CFAP251: variants seen among roughly 807,000 people sequenced by gnomAD.
CFAP251 encodes the protein cilia and flagella associated protein 251, also known as cilia- and flagella-associated protein 251.
A neutral mutation model predicts 126.7 loss-of-function variants in CFAP251; 93 were observed. That is an observed-to-expected ratio of 0.73 (90% CI 0.62 to 0.87). The LOEUF is 0.87. Ranked by LOEUF, CFAP251 falls within the 40% of genes least tolerant of loss-of-function variation. The pLI is 0.00. For missense variants in CFAP251, 1,287 were observed against 1,389.2 expected, an observed-to-expected ratio of 0.93 and a Z score of 1.17; for synonymous variants, 503 against 506.9, an observed-to-expected ratio of 0.99 and a Z score of 0.10.
Position 121,975,268 on chromosome 12 carries a change from T to C in CFAP251, c.2796T>C (p.Leu932=), listed in dbSNP as rs544108383. 31 of 1,614,062 alleles carry C rather than the reference T, an allele frequency of 1.9e-5. No homozygotes were observed. In the South Asian group the frequency reaches 3.1e-4, roughly 16 times the overall value. The change falls in exon 18 of 22, where the codon CTT becomes CTC. Residue 932 remains leucine (L), a synonymous_variant. Transcript: ENST00000288912. ...TLSVLEAAVS[L]GGEDLTPFYG... is the part of the protein sequence containing the mutation. ...GTGTCCTGGAGGCAGCGGTTTCTCTTGGGGGTGAAGACTTGACCCCATTCT... is the reference window on the plus strand; with the variant it reads ...GTGTCCTGGAGGCAGCGGTTTCTCTCGGGGGTGAAGACTTGACCCCATTCT...
intron 19 of CFAP251, among the ~76,000 whole-genome samples, chr12:121,980,898 C>A (rs534606402): frequency 2.6e-5 from 4 of 152,190 alleles, no homozygotes; most frequent in Admixed American, 2.0e-4. Flanking sequence ...GCCTCCTTGG[C>A]GAGCCATCCC....
At chr12:121,998,432 A>AAAAT (rs1883069326) in intron 19 of CFAP251, 4 of 85,636 alleles carry the variant, frequency 4.7e-5, no homozygotes, top group Non-Finnish European at 7.3e-5. Flanking sequence ...TTTTTAGTGT[A>AAAAT]ATATATATAT....
rs781117731 is a variant in CFAP251 at position 121,960,618 on chromosome 12, G to A, written c.2167G>A (p.Val723Met). The A allele has an allele frequency of 1.9e-6, 3 of 1,614,160 alleles. No homozygotes were observed. The highest frequency in any genetic ancestry group is 1.7e-5 in the Admixed American group (1 of 60,024). The part of the protein sequence containing the change: ...RSFTVAVYML[V>M]VRNGQRVWEY... ...TTTTACTGTGGCTGTTTACATGCTG[G>A]TGGTCAGAAATGGACAGAGGGTCTG... The change falls in exon 14 of 22, where the codon GTG becomes ATG. Residue 723 changes from valine (V) to methionine (M), a missense_variant. Coordinates refer to ENST00000288912, the MANE Select transcript of CFAP251 (RefSeq NM_144668.6).
At chr12:121,942,737 T>G (rs1881173227) in intron 6 of CFAP251, 92 bp downstream of exon 6, 3 of 1,232,844 alleles carry the variant, frequency 2.4e-6, no homozygotes, top group Non-Finnish European at 3.5e-6. Context: ...CTGGGCTGTG[T>G]GATGTCTGTG....
chr12:121,975,487 A>G, intron 18 of CFAP251, 55 bp from the exon 19 acceptor site: 1 of 1,601,246 alleles, frequency 6.2e-7, no homozygotes. Flanking sequence ...GTGTTCATGG[A>G]TGCTTCAGAC....
At position 121,942,514 on chromosome 12, in the gene CFAP251, C is replaced by A; in HGVS notation, c.999-20C>A. The A allele has an allele frequency of 6.3e-7, 1 of 1,583,774 alleles. No individual in the cohort carries two copies. Among genetic ancestry groups the A allele is most frequent in the Non-Finnish European group, 8.7e-7 (1 of 1,154,702 alleles). ...CAGGGAGACCTCAGCAAGTGTCGCC[C>A]CCCTTGTCCTGTTTTGCAGTATTCC... On this transcript the variant is annotated intron_variant, in intron 5 of 21. Coordinates refer to ENST00000288912, the MANE Select transcript of CFAP251 (RefSeq NM_144668.6).
chr12:121,932,297 A>G (rs1674266878), intron 4 of CFAP251: 1 of 152,976 alleles, frequency 6.5e-6, no homozygotes, highest in Admixed American at 6.5e-5. Context: ...GGGTATTCAT[A>G]TATCCATTTT....
chr12:121,962,385 A>T (rs1881970820), intron 15 of CFAP251, among the ~76,000 whole-genome samples: 1 of 152,088 alleles, frequency 6.6e-6, no homozygotes, highest in African/African-American at 2.4e-5. Flanking sequence ...AAGGACACAG[A>T]CCCTGGGGCC....
intron 8 of CFAP251, chr12:121,949,393 T>G (rs1330200199): frequency 6.3e-6 from 1 of 158,828 alleles, no homozygotes; most frequent in African/African-American, 2.4e-5. Context: ...CTCAAATTCC[T>G]GGGCTCAAGT....
chr12:121,951,197 G>A (rs1398437438), intron 8 of CFAP251: 7 of 239,644 alleles, frequency 2.9e-5, no homozygotes, highest in Non-Finnish European at 4.9e-5. Context: ...CTCCAGGCTG[G>A]GCGATAGATG....
intron 19 of CFAP251, among the ~76,000 whole-genome samples, chr12:121,980,173 C>T (rs879900141): frequency 3.9e-5 from 6 of 152,342 alleles, no homozygotes; most frequent in African/African-American, 1.4e-4. Flanking sequence ...GTTGGCCAGG[C>T]GTGGGCACTC....
chr12:121,945,056 T>A (rs1881264880), intron 7 of CFAP251, among the ~76,000 whole-genome samples: 1 of 152,224 alleles, frequency 6.6e-6, no homozygotes, highest in Admixed American at 6.5e-5. Flanking sequence ...GTGTTGGGAT[T>A]ACAGGCGTGA....
At chr12:121,975,177 G>A in intron 17 of CFAP251, 67 bp from the exon 18 acceptor site, 1 of 1,376,792 alleles carries the variant, frequency 7.3e-7, no homozygotes, top group Non-Finnish European at 1.0e-6. Context: ...GTGCTGTGCG[G>A]ACCACCTTCT....
At position 121,954,179 on chromosome 12, in the gene CFAP251, A is replaced by G. The variant is rs768934316; in HGVS notation, c.1380A>G (p.Gln460=). 6.2e-7 allele frequency: 1 copy of G among 1,613,980 alleles called. No homozygotes were observed. The highest frequency in any genetic ancestry group is 2.2e-5 in the East Asian group (1 of 44,876). ...CCATCTTTCACTTGAATTTAACACA[A>G]ATACTCTCAGCCACAATGGAAGGGA... ...SQSIFHLNLT[Q]ILSATMEGKL... The change falls in exon 10 of 22, where the codon CAA becomes CAG. Residue 460 remains glutamine (Q), a synonymous_variant. Coordinates refer to ENST00000288912, the MANE Select transcript of CFAP251 (RefSeq NM_144668.6).
At position 121,958,994 on chromosome 12, in the gene CFAP251, C is replaced by A. The variant is rs1881832366; in HGVS notation, c.2033C>A (p.Ala678Glu). The A allele has an allele frequency of 5.6e-6, 9 of 1,611,800 alleles. No homozygotes were observed. Among genetic ancestry groups the A allele is most frequent in the Non-Finnish European group, 7.6e-6 (9 of 1,179,406 alleles). Reference sequence around the variant, plus strand: ...GAGGGGACAGTTTACATTCTTGATGCAATGTCTTTAGAAAATGAAAGCCCA... The same window carrying A: ...GAGGGGACAGTTTACATTCTTGATGAAATGTCTTTAGAAAATGAAAGCCCA... ...FTEGTVYILD[A>E]MSLENESPEP... The change falls in exon 13 of 22, where the codon GCA becomes GAA. Residue 678 changes from alanine to glutamate, a missense_variant. By Grantham distance (107) the Ala-to-Glu change is moderately radical (BLOSUM62 -1). Coordinates refer to ENST00000288912, the MANE Select transcript of CFAP251 (RefSeq NM_144668.6).
intron 17 of CFAP251, chr12:121,971,413 G>T (rs567712063): frequency 1.6e-6 from 1 of 641,662 alleles, no homozygotes; most frequent in South Asian, 1.7e-5. Flanking sequence ...GACAGTGCAT[G>T]GCAGACTCTT....
At chr12:121,934,947 C>G (rs776087867) in intron 5 of CFAP251, among the ~76,000 whole-genome samples, 1 of 152,178 alleles carries the variant, frequency 6.6e-6, no homozygotes, top group Non-Finnish European at 1.5e-5. Flanking sequence ...GCTGGGACCA[C>G]AGGCGCATGC....
chr12:121,958,947 C>T lies in CFAP251; in HGVS notation c.1986C>T (p.Ala662=). The T allele has an allele frequency of 1.3e-6, 2 of 1,582,312 alleles. No individual in the cohort carries two copies. Among genetic ancestry groups the T allele is most frequent in the Non-Finnish European group, 1.7e-6 (2 of 1,170,316 alleles). Residue 662 remains alanine, a synonymous_variant, in exon 13 of 22, where the codon GCC becomes GCT. Coordinates refer to ENST00000288912, the MANE Select transcript of CFAP251 (RefSeq NM_144668.6). ...TTCTCTGGCTTGTCATTTCAGGAGC[C>T]CTTCTTGGAGCTGGCTTTACAGAGG... The part of the protein sequence containing the change: ...VQSLTYNPEG[A]LLGAGFTEGT...
In CFAP251 at chr12:121,964,370, A is replaced by G. The variant is rs557357975; in HGVS notation, c.2492+2208A>G. ...TGAAAACATACTTTTTGGACAAAGA[A>G]TATCTCTCAGATATGCGCAGTCCTA... On this transcript the variant is annotated intron_variant, in intron 15 of 21. Transcript: ENST00000288912. Among the ~76,000 whole-genome samples the G allele has an allele frequency of 1.7e-4, 26 of 152,322 alleles. No homozygotes were observed. In the Middle Eastern group the frequency reaches 0.014, roughly 80 times the overall value.
Sources: allele counts gnomAD v4.1 joint callset (sites outside exome capture counted in the v4.1 genomes callset), GRCh38; gene constraint gnomAD v4.1.1; transcripts MANE v1.5; gene names NCBI Gene and HGNC (gene_info 2026-07-23, HGNC 2026-07-21).